The following TTC29 variants were observed in gnomAD, a reference collection of about 807,000 sequenced individuals.
The protein encoded by TTC29 is tetratricopeptide repeat domain 29, also known as tetratricopeptide repeat protein 29.
Under a neutral mutation model 58.1 loss-of-function variants are expected in TTC29, and 49 were observed. That is an observed-to-expected ratio of 0.84 (90% confidence interval 0.67 to 1.07). TTC29 has a LOEUF of 1.07. Ranked by LOEUF, TTC29 falls within the 50% of genes least tolerant of loss-of-function variation. The pLI, the probability that TTC29 is intolerant of heterozygous loss-of-function variation, is 0.00. For synonymous variants in TTC29, 209 were observed against 196.8 expected (o/e 1.06, Z -0.52); for missense variants, 582 against 555.6 (o/e 1.05, Z -0.48).
chr4:146,774,738 T>C (rs1308847900), intron 11 of TTC29, among the ~76,000 whole-genome samples: 1 of 152,172 alleles, frequency 6.6e-6, no homozygotes, highest in African/African-American at 2.4e-5. Context: ...TAGGTCCATT[T>C]GGTCAAGTGT....
chr4:146,940,675 G>C (rs180945684), intron 2 of TTC29, among the ~76,000 whole-genome samples: 3 of 152,186 alleles, frequency 2.0e-5, no homozygotes, highest in Non-Finnish European at 4.4e-5. Flanking sequence ...TGTTAGCTGG[G>C]ACTCAACTGG....
intron 11 of TTC29, among the ~76,000 whole-genome samples, chr4:146,719,467 T>A (rs1246548194): frequency 6.6e-6 from 1 of 152,146 alleles, no homozygotes; most frequent in Non-Finnish European, 1.5e-5. Context: ...CATTCTCACT[T>A]CAATGAATTC....
intron 11 of TTC29, among the ~76,000 whole-genome samples, chr4:146,784,839 C>A (rs554755861): frequency 6.6e-6 from 1 of 152,204 alleles, no homozygotes; most frequent in East Asian, 1.9e-4. Context: ...GAGGATAAAC[C>A]AGAAATCTGA....
chr4:146,740,870 C>G (rs947101005), intron 11 of TTC29, among the ~76,000 whole-genome samples: 2 of 152,064 alleles, frequency 1.3e-5, no homozygotes, highest in Non-Finnish European at 2.9e-5. Context: ...GCTGAAACTA[C>G]AGGCACATGC....
intron 10 of TTC29, among the ~76,000 whole-genome samples, chr4:146,811,717 C>T (rs1179278422): frequency 6.6e-6 from 1 of 152,188 alleles, no homozygotes; most frequent in Non-Finnish European, 1.5e-5. Flanking sequence ...TTCAACTCTG[C>T]ATACCTCTGT....
chr4:146,874,740 T>G lies in TTC29; in HGVS notation c.775A>C (p.Lys259Gln). The change falls in exon 7 of 13, where the codon AAA becomes CAA. Residue 259 changes from lysine to glutamine, a missense_variant. Physicochemically the swap from Lys to Gln is moderately conservative, Grantham distance 53 (BLOSUM62 1). Transcript: ENST00000325106. ...CCTTCTTTGGCTATTTCAGAAGCTT[T>G]TATTAGAATTTTGATGGCCTGTTTG... is the stretch of plus-strand genomic sequence containing the variant. Reference protein sequence around the residue: ...EYKQAIKILIKASEIAKEGSD... With the variant: ...EYKQAIKILIQASEIAKEGSD... The G allele has an allele frequency of 5.0e-6, 8 of 1,605,526 alleles. 1 individual carries two copies. Among genetic ancestry groups the G allele is most frequent in the Non-Finnish European group, 6.8e-6 (8 of 1,176,284 alleles).
intron 11 of TTC29, among the ~76,000 whole-genome samples, chr4:146,749,300 G>A (rs1208044113): frequency 2.0e-5 from 3 of 152,028 alleles, no homozygotes; most frequent in Non-Finnish European, 4.4e-5. Flanking sequence ...GACAGAGTAA[G>A]ACCCTGTCTC....
chr4:146,826,594 T>C (rs1437419477), intron 9 of TTC29, among the ~76,000 whole-genome samples: 2 of 152,134 alleles, frequency 1.3e-5, no homozygotes, highest in Admixed American at 1.3e-4. Flanking sequence ...TTCTTGGGTT[T>C]GATCTTCTCA....
chr4:146,817,620 A>G (rs1436708190), intron 10 of TTC29, among the ~76,000 whole-genome samples: 1 of 152,136 alleles, frequency 6.6e-6, no homozygotes, highest in Non-Finnish European at 1.5e-5. Flanking sequence ...AGCCCGCATC[A>G]CCAAGTCAAT....
intron 6 of TTC29, among the ~76,000 whole-genome samples, chr4:146,879,079 A>T (rs78340993): frequency 0.021 from 3,226 of 152,238 alleles, 127 homozygotes; most frequent in African/African-American, 0.072. Context: ...ATATGTAGGG[A>T]TTCATTTCTA....
At chr4:146,902,338 T>C (rs1458150178) in intron 6 of TTC29, among the ~76,000 whole-genome samples, 1 of 152,146 alleles carries the variant, frequency 6.6e-6, no homozygotes. Flanking sequence ...AAAAAAATAA[T>C]GGGTACTAGG....
intron 8 of TTC29, among the ~76,000 whole-genome samples, chr4:146,836,265 T>A (rs893202365): frequency 2.6e-5 from 4 of 152,140 alleles, no homozygotes; most frequent in African/African-American, 9.7e-5. Context: ...CTGATCTTTT[T>A]TGTGGTTTGA....
chr4:146,724,439 G>T (rs895139649), intron 11 of TTC29, among the ~76,000 whole-genome samples: 1 of 152,054 alleles, frequency 6.6e-6, no homozygotes, highest in African/African-American at 2.4e-5. Flanking sequence ...TATATTATTT[G>T]CTCCTTTTAC....
chr4:146,726,495 A>G (rs992089913), intron 11 of TTC29, among the ~76,000 whole-genome samples: 1 of 151,924 alleles, frequency 6.6e-6, no homozygotes, highest in Non-Finnish European at 1.5e-5. Context: ...CACATCTCCT[A>G]CTCAGTTATG....
intron 8 of TTC29, among the ~76,000 whole-genome samples, chr4:146,857,277 A>AGTGT (rs70958531): frequency 0.035 from 5,224 of 149,380 alleles, 141 homozygotes; most frequent in East Asian, 0.13. Context: ...CTAGTGGAAG[A>AGTGT]GTGTGTGTGT....
At chr4:146,915,579 T>C (rs1050166590) in intron 4 of TTC29, among the ~76,000 whole-genome samples, 2 of 152,048 alleles carry the variant, frequency 1.3e-5, no homozygotes, top group South Asian at 2.1e-4. Context: ...CATATACTTC[T>C]ATAAATATAA....
chr4:146,933,057 C>CAAA (rs34870490), intron 4 of TTC29, among the ~76,000 whole-genome samples: 3 of 137,308 alleles, frequency 2.2e-5, no homozygotes, highest in Non-Finnish European at 3.2e-5. Flanking sequence ...GACTCCGTCT[C>CAAA]AAAAAAAAAA....
rs1561066862 is a variant in TTC29, at chr4:146,728,860, C to CACATATATATGTGTATATATACGT, written c.1331-21310_1331-21309insACGTATATATACACATATATATGT. 8.1e-5 allele frequency among the ~76,000 whole-genome samples: 5 copies of CACATATATATGTGTATATATACGT among 62,052 alleles called. 1 individual carries two copies. Among genetic ancestry groups the CACATATATATGTGTATATATACGT allele is most frequent in the South Asian group, 1.4e-3 (2 of 1,394 alleles). 40.7% of individuals were successfully genotyped at this position (62,052 alleles called of 152,430 possible). A position where few individuals can be genotyped will look rare whatever the true frequency, so the allele number is the denominator to read the frequency against. On this transcript the variant is annotated intron_variant, in intron 11 of 12. Transcript: ENST00000325106. ...ACACATATATATGTATATATATACACATATATATGTGTGTGTATATATATA... is the reference window on the plus strand; with the variant it reads ...ACACATATATATGTATATATATACACACATATATATGTGTATATATACGTATATATATGTGTGTGTATATATATA...
intron 11 of TTC29, among the ~76,000 whole-genome samples, chr4:146,786,449 G>T (rs997847651): frequency 1.4e-4 from 22 of 152,256 alleles, no homozygotes; most frequent in African/African-American, 5.3e-4. Context: ...TATGCACACG[G>T]ATGAAATCAT....
Sources: gnomAD v4.1 joint callset for allele counts (sites outside exome capture counted in the v4.1 genomes callset) on GRCh38, gnomAD v4.1.1 for gene constraint, MANE v1.5 for transcripts, NCBI Gene and HGNC (gene_info 2026-07-23, HGNC 2026-07-21) for gene names.